KCNMB4: variants seen among roughly 807,000 people sequenced by gnomAD.
The protein encoded by KCNMB4 is calcium-activated potassium channel subunit beta-4.
KCNMB4 carries 3 observed loss-of-function variants against 20.7 expected under a neutral mutation model. The ratio of observed to expected loss-of-function variants is 0.14; its 90% CI spans 0.07 to 0.37. KCNMB4 has a LOEUF of 0.37. KCNMB4 is among the 10% of genes least tolerant of loss of function. The pLI is 1.00. For synonymous variants in KCNMB4, 110 were observed against 113.4 expected (o/e 0.97, Z 0.19); for missense variants, 168 against 265.9 (o/e 0.63, Z 2.56).
intron 2 of KCNMB4, among the ~76,000 whole-genome samples, chr12:70,415,475 A>C (rs534206400): frequency 1.3e-5 from 2 of 152,354 alleles, no homozygotes; most frequent in South Asian, 4.1e-4. Context: ...CCAGGATTCT[A>C]GTCCATATTG....
chr12:70,430,038 C>CTT (rs66539156), intron 2 of KCNMB4, among the ~76,000 whole-genome samples: 6,179 of 147,064 alleles, frequency 0.042, 250 homozygotes, highest in African/African-American at 0.11. Context: ...TTTAACTGAC[C>CTT]TTTTTTTTTT....
At chr12:70,400,473 C>G in intron 2 of KCNMB4, 137 bp downstream of exon 2, 1 of 851,360 alleles carries the variant, frequency 1.2e-6, no homozygotes. Context: ...TAGGGAAACC[C>G]ATATAATGAA....
intron 1 of KCNMB4, among the ~76,000 whole-genome samples, chr12:70,376,968 A>G (rs1168111386): frequency 3.3e-5 from 5 of 152,214 alleles, no homozygotes; most frequent in African/African-American, 1.2e-4. Context: ...TACAAGACCT[A>G]TAACCTGAAG....
intron 2 of KCNMB4, among the ~76,000 whole-genome samples, chr12:70,427,329 G>C (rs868365946): frequency 1.1e-4 from 16 of 152,270 alleles, no homozygotes; most frequent in Middle Eastern, 6.8e-3. Context: ...ACTTTAATTA[G>C]GACACAAGAA....
chr12:70,392,620 G>T (rs777455873), intron 1 of KCNMB4, among the ~76,000 whole-genome samples: 6 of 152,138 alleles, frequency 3.9e-5, no homozygotes, highest in Non-Finnish European at 7.3e-5. Flanking sequence ...AGAAAATGTG[G>T]CACGTATACA....
chr12:70,402,441 A>G (rs1397319351), intron 2 of KCNMB4, among the ~76,000 whole-genome samples: 1 of 151,984 alleles, frequency 6.6e-6, no homozygotes, highest in Non-Finnish European at 1.5e-5. Flanking sequence ...CCAGGAGTTC[A>G]AGGCCAGCCT....
intron 2 of KCNMB4, among the ~76,000 whole-genome samples, chr12:70,425,806 A>G (rs932273214): frequency 6.6e-6 from 1 of 152,232 alleles, no homozygotes; most frequent in African/African-American, 2.4e-5. Context: ...TTTGCTCTTC[A>G]GCCATTGTCA....
intron 2 of KCNMB4, among the ~76,000 whole-genome samples, chr12:70,427,155 T>C (rs1869236844): frequency 6.6e-6 from 1 of 152,228 alleles, no homozygotes; most frequent in East Asian, 1.9e-4. Flanking sequence ...TGTAGTTCAT[T>C]CCCTACCATA....
chr12:70,425,791 A>T (rs1011359705), intron 2 of KCNMB4, among the ~76,000 whole-genome samples: 1 of 152,210 alleles, frequency 6.6e-6, no homozygotes, highest in Admixed American at 6.5e-5. Context: ...TTGAGTCTTG[A>T]ACGATTTGCT....
Position 70,432,497 on chromosome 12 carries a change from A to G in KCNMB4, c.*1844A>G, listed in dbSNP as rs1869396040. On this transcript the variant is annotated 3_prime_UTR_variant, in exon 3 of 3. Coordinates refer to ENST00000258111, the MANE Select transcript of KCNMB4 (RefSeq NM_014505.6). Reference sequence around the variant, plus strand: ...ATGATCATAGCACACTGCAGCCTCAAGCTCCTGGGCTCAAGCGATCCCCCT... The same window carrying G: ...ATGATCATAGCACACTGCAGCCTCAGGCTCCTGGGCTCAAGCGATCCCCCT... The G allele has an allele frequency of 6.6e-6, 1 of 152,184 alleles. No homozygotes were observed. The highest frequency in any genetic ancestry group is 1.5e-5 in the Non-Finnish European group (1 of 68,052). 9.4% of individuals were successfully genotyped at this position (152,184 alleles called of 1,614,324 possible).
rs781280691 is a variant in KCNMB4 at position 70,430,667 on chromosome 12, T to A, written c.*14T>A. The A allele has an allele frequency of 3.8e-6, 6 of 1,597,278 alleles. No homozygotes were observed. In the Admixed American group the frequency reaches 7.3e-5, roughly 19 times the overall value. On this transcript the variant is annotated 3_prime_UTR_variant, in exon 3 of 3. Transcript: ENST00000258111. ...AAGTTCTCTTAAAGGGGAAGGAGGC[T>A]TGTAGAAAGCAAAGTACAGAAGCTG...
chr12:70,429,631 C>T (rs993428136), intron 2 of KCNMB4, among the ~76,000 whole-genome samples: 2 of 145,194 alleles, frequency 1.4e-5, no homozygotes, highest in African/African-American at 2.6e-5. Flanking sequence ...GGCACCACTG[C>T]GCTCCAGCCT....
intron 1 of KCNMB4, among the ~76,000 whole-genome samples, chr12:70,382,719 T>C (rs988536747): frequency 6.6e-6 from 1 of 152,140 alleles, no homozygotes; most frequent in African/African-American, 2.4e-5. Context: ...AGTCAACATA[T>C]GAAGTACTCT....
At chr12:70,418,835 A>G (rs114470147) in intron 2 of KCNMB4, among the ~76,000 whole-genome samples, 212 of 152,262 alleles carry the variant, frequency 1.4e-3, no homozygotes, top group African/African-American at 4.5e-3. Flanking sequence ...TAGATACCCA[A>G]TGGAATCCCT....
At chr12:70,427,055 G>A (rs1448747267) in intron 2 of KCNMB4, among the ~76,000 whole-genome samples, 1 of 152,056 alleles carries the variant, frequency 6.6e-6, no homozygotes, top group East Asian at 1.9e-4. Flanking sequence ...ACATATTCTT[G>A]TCACCATCCT....
rs530090317 is a variant in KCNMB4, at chr12:70,395,131, CAT to C, written c.337-5077_337-5076del. 2.4e-3 allele frequency among the ~76,000 whole-genome samples: 359 copies of C among 151,922 alleles called. 8 individuals carry two copies. The highest frequency in any genetic ancestry group is 8.0e-3 in the African/African-American group (329 of 41,324). ...GATTATGGTATAAAATATAATTAAA[CAT>C]GTGTTCCAGTAGATAATGTTTTAAG... is the stretch of plus-strand genomic sequence containing the variant. On this transcript the variant is annotated intron_variant, in intron 1 of 2. Transcript: ENST00000258111.
intron 1 of KCNMB4, among the ~76,000 whole-genome samples, chr12:70,380,482 T>G (rs1220275493): frequency 1.3e-5 from 2 of 152,182 alleles, no homozygotes; most frequent in Non-Finnish European, 2.9e-5. Context: ...GGACTTGTTC[T>G]CAGGGTTGCC....
chr12:70,422,606 A>C (rs533752414), intron 2 of KCNMB4: 1 of 856,878 alleles, frequency 1.2e-6, no homozygotes, highest in South Asian at 1.5e-5. Context: ...TTTCTAATTA[A>C]TAAAGCCTTT....
Position 70,400,267 on chromosome 12 carries a change from A to C in KCNMB4, c.395A>C (p.Asn132Thr), listed in dbSNP as rs1001504659. 5.6e-6 allele frequency: 9 copies of C among 1,612,976 alleles called. No homozygotes were observed. The highest frequency in any genetic ancestry group is 4.4e-5 in the South Asian group (4 of 90,918). ...CAGAAGAATTTGGAAAGTGTCATGA[A>C]TTGGCAACAGTACTGGAAAGATGAG... is the stretch of plus-strand genomic sequence containing the variant. ...ENQKNLESVM[N>T]WQQYWKDEIG... The change falls in exon 2 of 3, where the codon AAT becomes ACT. Residue 132 changes from asparagine to threonine, a missense_variant. Physicochemically the swap from Asn to Thr is moderately conservative, Grantham distance 65. Transcript: ENST00000258111.
Sources: allele counts gnomAD v4.1 joint callset (sites outside exome capture counted in the v4.1 genomes callset), GRCh38; gene constraint gnomAD v4.1.1; transcripts MANE v1.5; gene names NCBI Gene and HGNC (gene_info 2026-07-23, HGNC 2026-07-21).